The following CATSPERE variants were observed in gnomAD, a reference collection of about 807,000 sequenced individuals.
The protein encoded by CATSPERE is cation channel sperm-associated auxiliary subunit epsilon.
Under a neutral mutation model 114.1 loss-of-function variants are expected in CATSPERE, and 93 were observed. The observed-to-expected ratio is 0.81, with a 90% CI of 0.69 to 0.97. The LOEUF (loss-of-function observed/expected upper bound fraction) is 0.97, where lower values mean the gene tolerates loss of function less well. CATSPERE is among the 50% of genes least tolerant of loss of function. CATSPERE has a pLI of 0.00. For synonymous variants in CATSPERE, 341 were observed against 384.1 expected (o/e 0.89, Z 1.31); for missense variants, 1,058 against 1,131.6 (o/e 0.93, Z 0.93).
At chr1:244,600,582 A>G (rs1669068129) in intron 17 of CATSPERE, among the ~76,000 whole-genome samples, 1 of 152,202 alleles carries the variant, frequency 6.6e-6, no homozygotes, top group Non-Finnish European at 1.5e-5. Context: ...AAATGAAGCT[A>G]AAAACTATCA....
chr1:244,541,250 T>C (rs1284859756), intron 8 of CATSPERE, among the ~76,000 whole-genome samples: 22 of 150,996 alleles, frequency 1.5e-4, no homozygotes, highest in African/African-American at 5.3e-4. Flanking sequence ...TTTTCACAAC[T>C]TACTCATCTG....
chr1:244,538,148 C>T (rs1210587460), intron 8 of CATSPERE, among the ~76,000 whole-genome samples: 1 of 152,032 alleles, frequency 6.6e-6, no homozygotes, highest in Non-Finnish European at 1.5e-5. Flanking sequence ...CATAATGAGA[C>T]CCCCATCTCT....
At chr1:244,514,869 G>A (rs1279354851) in intron 7 of CATSPERE, among the ~76,000 whole-genome samples, 1 of 151,108 alleles carries the variant, frequency 6.6e-6, no homozygotes, top group African/African-American at 2.4e-5. Flanking sequence ...GGAAAAATTG[G>A]TGAAATCTGA....
chr1:244,622,068 T>C (rs1001128196), intron 20 of CATSPERE, among the ~76,000 whole-genome samples: 5 of 152,250 alleles, frequency 3.3e-5, no homozygotes, highest in Non-Finnish European at 7.3e-5. Context: ...AAAGTCTGAA[T>C]GACACCCAGG....
chr1:244,451,610 C>T (rs1222117293), upstream of CATSPERE: 2 of 1,593,378 alleles, frequency 1.3e-6, no homozygotes, highest in Non-Finnish European at 1.7e-6. This position sits in a 1 kb window ranked among gnomAD's most constrained non-coding sequence, Gnocchi z 6.6. Flanking sequence ...GGCCCGGCTT[C>T]CCATGAGAGG....
intron 20 of CATSPERE, among the ~76,000 whole-genome samples, chr1:244,629,961 T>C (rs895210236): frequency 3.9e-5 from 6 of 152,184 alleles, no homozygotes; most frequent in African/African-American, 1.4e-4. Flanking sequence ...ATCTTACTAA[T>C]ATATCTGCAG....
chr1:244,592,739 C>A (rs1667886506), intron 15 of CATSPERE, among the ~76,000 whole-genome samples: 1 of 152,160 alleles, frequency 6.6e-6, no homozygotes, highest in South Asian at 2.1e-4. Flanking sequence ...GAGGACACCA[C>A]CTTTTAGTGT....
intron 14 of CATSPERE, among the ~76,000 whole-genome samples, chr1:244,591,366 C>T (rs1411663550): frequency 6.6e-6 from 1 of 152,176 alleles, no homozygotes; most frequent in South Asian, 2.1e-4. Flanking sequence ...CTTACTCCTC[C>T]TATCTAATTG....
intron 8 of CATSPERE, among the ~76,000 whole-genome samples, chr1:244,544,541 G>A (rs1261931269): frequency 6.6e-6 from 1 of 152,140 alleles, no homozygotes; most frequent in African/African-American, 2.4e-5. Flanking sequence ...TGTGAAGTGA[G>A]GATAATTATG....
At chr1:244,495,634 T>A (rs143094660) in intron 6 of CATSPERE, among the ~76,000 whole-genome samples, 62 of 152,178 alleles carry the variant, frequency 4.1e-4, no homozygotes, top group African/African-American at 1.5e-3. Flanking sequence ...GGCTGGAGAA[T>A]CACTTGAACC....
intron 20 of CATSPERE, among the ~76,000 whole-genome samples, chr1:244,630,109 G>A (rs1673736221): frequency 6.6e-6 from 1 of 152,206 alleles, no homozygotes; most frequent in South Asian, 2.1e-4. Context: ...AAGAAGGGAG[G>A]TGGACTACGG....
intron 7 of CATSPERE, among the ~76,000 whole-genome samples, chr1:244,506,905 A>G (rs1674910005): frequency 6.6e-6 from 1 of 152,018 alleles, no homozygotes; most frequent in Non-Finnish European, 1.5e-5. Flanking sequence ...TCTCTTCACC[A>G]CCACCCCCAC....
chr1:244,454,237 T>C (rs978523791), upstream of CATSPERE: 18 of 152,192 alleles, frequency 1.2e-4, no homozygotes, highest in African/African-American at 4.3e-4. Context: ...AGAGACCCCA[T>C]TGTGAATTAC....
chr1:244,558,138 CTTTTTT>C (rs34664118), intron 9 of CATSPERE, among the ~76,000 whole-genome samples: 5 of 109,440 alleles, frequency 4.6e-5, no homozygotes, highest in Admixed American at 2.3e-4. Context: ...CTCTCTCTCT[CTTTTTT>C]TTTTTTTTTT....
chr1:244,457,213 C>T (rs1186787740), upstream of CATSPERE, among the ~76,000 whole-genome samples: 9 of 152,114 alleles, frequency 5.9e-5, no homozygotes, highest in East Asian at 1.5e-3. Flanking sequence ...AGAATCTGGG[C>T]CCCTGTGTCC....
At chr1:244,463,643 T>A (rs1268293869) in intron 1 of CATSPERE, among the ~76,000 whole-genome samples, 1 of 131,550 alleles carries the variant, frequency 7.6e-6, no homozygotes, top group Non-Finnish European at 1.6e-5. Flanking sequence ...AGTTTTCATC[T>A]TACAAAAAAA....
rs879157986 is a variant in CATSPERE at position 244,552,638 on chromosome 1, C to T, written c.853C>T (p.Arg285Trp). 1.9e-6 allele frequency: 3 copies of T among 1,613,946 alleles called. No homozygotes were observed. Among genetic ancestry groups the T allele is most frequent in the Non-Finnish European group, 2.5e-6 (3 of 1,180,028 alleles). ...AGACATTCTGAGTGATGATGAAAGA[C>T]GGAGTGTGGCTCATGTGATCTTATC... is the stretch of plus-strand genomic sequence containing the variant. The part of the protein sequence containing the change: ...PPDILSDDER[R>W]SVAHVILSRD... Residue 285 changes from arginine to tryptophan, a missense_variant, in exon 9 of 22, where the codon CGG becomes TGG. Transcript: ENST00000366534.
In CATSPERE at chr1:244,580,009, A is replaced by ATC. The variant is rs1183882699; in HGVS notation, c.1951-1786_1951-1785dup. ...CACTACCACTACTCCTACTGCTACC[A>ATC]TCACTACAACTACCATATTTTATCA... On this transcript the variant is annotated intron_variant, in intron 11 of 21. Transcript: ENST00000366534. Among the ~76,000 whole-genome samples the ATC allele has an allele frequency of 2.0e-4, 30 of 152,218 alleles. No individual in the cohort carries two copies. In the East Asian group the frequency reaches 5.6e-3, roughly 28 times the overall value.
intron 19 of CATSPERE, among the ~76,000 whole-genome samples, chr1:244,614,964 C>G (rs1671188472): frequency 3.9e-5 from 6 of 151,958 alleles, no homozygotes; most frequent in Admixed American, 3.9e-4. Flanking sequence ...TTACTCCAAA[C>G]AATTGTCCTT....
Sources: gnomAD v4.1 joint callset for allele counts (sites outside exome capture counted in the v4.1 genomes callset) on GRCh38, gnomAD v4.1.1 for gene constraint, Gnocchi (gnomAD v3.1) non-coding constraint, MANE v1.5 for transcripts, NCBI Gene and HGNC (gene_info 2026-07-23, HGNC 2026-07-21) for gene names.